ZDHHC17: variants seen among roughly 807,000 people sequenced by gnomAD.
ZDHHC17 encodes the protein zDHHC palmitoyltransferase 17, also known as palmitoyltransferase ZDHHC17.
In ZDHHC17, 40 loss-of-function variants were observed where a neutral mutation model predicts 90.3. That is an observed-to-expected ratio of 0.44 (90% CI 0.34 to 0.58). The LOEUF is 0.58. Ranked by LOEUF, ZDHHC17 falls within the 20% of genes least tolerant of loss-of-function variation. ZDHHC17 has a pLI of 0.01. For synonymous variants in ZDHHC17, 235 were observed against 252.4 expected, an observed-to-expected ratio of 0.93 and a Z score of 0.65; for missense variants, 614 against 780.8, an observed-to-expected ratio of 0.79 and a Z score of 2.55.
chr12:76,800,552 A>G (rs1432078329), intron 2 of ZDHHC17, among the ~76,000 whole-genome samples: 1 of 152,192 alleles, frequency 6.6e-6, no homozygotes, highest in Non-Finnish European at 1.5e-5. Flanking sequence ...CTTTTAATTT[A>G]TAATTGTTGT....
rs907950703 is a variant in ZDHHC17 at position 76,851,848 on chromosome 12, A to G, written c.*863A>G. ...TAAGGTGGTATTTTCAAGAAAAGGC[A>G]GAACAAATAATGCAAAATTCTCAGT... On this transcript the variant is annotated 3_prime_UTR_variant, in exon 17 of 17. Coordinates refer to ENST00000426126, the MANE Select transcript of ZDHHC17 (RefSeq NM_015336.4). The G allele has an allele frequency of 8.5e-5, 13 of 152,804 alleles. No individual in the cohort carries two copies. The highest frequency in any genetic ancestry group is 2.9e-4 in the African/African-American group (12 of 41,588). The allele number at this position is 152,804 out of a possible 1,614,324, so 9.5% of individuals were successfully genotyped here.
chr12:76,803,317 G>T (rs1952913811), intron 2 of ZDHHC17, among the ~76,000 whole-genome samples: 1 of 152,098 alleles, frequency 6.6e-6, no homozygotes, highest in Non-Finnish European at 1.5e-5. Flanking sequence ...AGATGATTTT[G>T]TTCAGAGTCT....
intron 1 of ZDHHC17, among the ~76,000 whole-genome samples, chr12:76,783,264 C>G (rs945388500): frequency 6.6e-6 from 1 of 152,076 alleles, no homozygotes; most frequent in African/African-American, 2.4e-5. Flanking sequence ...AAGAAATACC[C>G]GAGACTGGGT....
chr12:76,803,595 C>T (rs137863698), intron 2 of ZDHHC17, among the ~76,000 whole-genome samples: 125 of 152,264 alleles, frequency 8.2e-4, no homozygotes, highest in Middle Eastern at 3.4e-3. Context: ...CCAGTTGGAC[C>T]GGGACTTGTG....
In ZDHHC17 at chr12:76,853,261, G is replaced by C. The variant is rs1201809754; in HGVS notation, c.*2276G>C. On this transcript the variant is annotated 3_prime_UTR_variant, in exon 17 of 17. Coordinates refer to ENST00000426126, the MANE Select transcript of ZDHHC17 (RefSeq NM_015336.4). Reference sequence around the variant, plus strand: ...ATGGTCAGGAGCCAGCTATGCAGCAGTATACCATCTGTTTAATTATTTTGT... The same window carrying C: ...ATGGTCAGGAGCCAGCTATGCAGCACTATACCATCTGTTTAATTATTTTGT... 1 of 149,466 alleles carries C rather than the reference G, an allele frequency of 6.7e-6. No individual in the cohort carries two copies. The highest frequency in any genetic ancestry group is 1.5e-5 in the Non-Finnish European group (1 of 66,088). 9.3% of individuals were successfully genotyped at this position (149,466 alleles called of 1,614,324 possible).
At chr12:76,786,129 T>A (rs1952682864) in intron 1 of ZDHHC17, among the ~76,000 whole-genome samples, 3 of 151,810 alleles carry the variant, frequency 2.0e-5, no homozygotes, top group Admixed American at 2.0e-4. Context: ...TTTCTTTTTT[T>A]TTTTTTAAAG....
Position 76,790,154 on chromosome 12 carries a change from T to G in ZDHHC17, c.94-7280T>G, listed in dbSNP as rs537018929. 5.3e-5 allele frequency among the ~76,000 whole-genome samples: 8 copies of G among 152,182 alleles called. No individual in the cohort carries two copies. The South Asian group carries it at 1.7e-3, about 32-fold the overall frequency. ...TAGACCTCTTATAAAAAATGAAGCT[T>G]TTTTTTAAAGAGATAGGAAGAGGAG... On this transcript the variant is annotated intron_variant, in intron 1 of 16. Transcript: ENST00000426126.
At chr12:76,799,626 G>T (rs1198695733) in intron 2 of ZDHHC17, among the ~76,000 whole-genome samples, 1 of 152,170 alleles carries the variant, frequency 6.6e-6, no homozygotes, top group Non-Finnish European at 1.5e-5. Context: ...GAAGAGGTCT[G>T]TGATCACCAA....
chr12:76,842,219 A>C, intron 11 of ZDHHC17, 113 bp downstream of exon 11: 1 of 1,148,656 alleles, frequency 8.7e-7, no homozygotes, highest in African/African-American at 1.6e-5. Flanking sequence ...AGAAGTTTTA[A>C]GCTAAATTGA....
At chr12:76,829,353 A>C (rs946838399) in intron 10 of ZDHHC17, among the ~76,000 whole-genome samples, 1 of 144,612 alleles carries the variant, frequency 6.9e-6, no homozygotes, top group Admixed American at 7.3e-5. Flanking sequence ...GCTACTCGGG[A>C]GGCTGAGGCA....
chr12:76,787,211 G>C (rs1206485174), intron 1 of ZDHHC17, among the ~76,000 whole-genome samples: 2 of 152,210 alleles, frequency 1.3e-5, no homozygotes, highest in East Asian at 1.9e-4. Context: ...CTGTGGTAGA[G>C]AAGGGAGGTC....
chr12:76,827,649 T>TA lies in ZDHHC17; in HGVS notation c.1040+600dup, dbSNP rs1420901395. Among the ~76,000 whole-genome samples, 5 of 152,246 alleles carry TA rather than the reference T, an allele frequency of 3.3e-5. No individual in the cohort carries two copies. The East Asian group carries it at 9.6e-4, about 29-fold the overall frequency. On this transcript the variant is annotated intron_variant, in intron 9 of 16. Transcript: ENST00000426126. ...ATTTCCCATCTAATTTCCAGTCCTT[T>TA]AGTATCTTATTTTCACTTGCATTTC...
chr12:76,814,503 A>AT (rs1953060847), intron 5 of ZDHHC17, among the ~76,000 whole-genome samples: 1 of 151,966 alleles, frequency 6.6e-6, no homozygotes, highest in Non-Finnish European at 1.5e-5. Flanking sequence ...AAAAATTCAG[A>AT]TTTTTTGTAC....
chr12:76,848,495 AT>A, intron 15 of ZDHHC17, 105 bp downstream of exon 15: 1 of 1,198,078 alleles, frequency 8.3e-7, no homozygotes, highest in Non-Finnish European at 1.1e-6. Context: ...CTCTTCAAAT[AT>A]TCATTTTATT....
chr12:76,830,929 T>A (rs900628132), intron 10 of ZDHHC17, among the ~76,000 whole-genome samples: 4 of 152,102 alleles, frequency 2.6e-5, no homozygotes, highest in Non-Finnish European at 4.4e-5. Context: ...TAGTATAAAA[T>A]AGCTAAAACT....
At chr12:76,814,370 T>A (rs1204526877) in intron 5 of ZDHHC17, among the ~76,000 whole-genome samples, 3 of 151,352 alleles carry the variant, frequency 2.0e-5, no homozygotes, top group Non-Finnish European at 4.4e-5. Context: ...GAATAGTATT[T>A]ATGCATATTT....
At position 76,787,089 on chromosome 12, in the gene ZDHHC17, G is replaced by T. The variant is rs192954125; in HGVS notation, c.94-10345G>T. The stretch of plus-strand genomic sequence containing the variant: ...ATAAAACAACTTAAAATACTTGAAG[G>T]TACTTCTTCCTTGAAATTTTCCAGA... On this transcript the variant is annotated intron_variant, in intron 1 of 16. Coordinates refer to ENST00000426126, the MANE Select transcript of ZDHHC17 (RefSeq NM_015336.4). Among the ~76,000 whole-genome samples the T allele has an allele frequency of 4.6e-5, 7 of 152,252 alleles. No individual in the cohort carries two copies. The East Asian group carries it at 1.2e-3, about 25-fold the overall frequency.
Position 76,851,057 on chromosome 12 carries a change from C to T in ZDHHC17, c.*72C>T. Reference sequence around the variant, plus strand: ...TGTGTCTGTCCGTGTCTTTCTCACACTCGAATCCACATCCTTTGAACAAGA... The same window carrying T: ...TGTGTCTGTCCGTGTCTTTCTCACATTCGAATCCACATCCTTTGAACAAGA... On this transcript the variant is annotated 3_prime_UTR_variant, in exon 17 of 17. Coordinates refer to ENST00000426126, the MANE Select transcript of ZDHHC17 (RefSeq NM_015336.4). The T allele has an allele frequency of 4.4e-6, 7 of 1,580,516 alleles. 1 individual carries two copies. The South Asian group carries it at 7.9e-5, about 18-fold the overall frequency.
intron 10 of ZDHHC17, among the ~76,000 whole-genome samples, chr12:76,830,108 T>A (rs903670553): frequency 2.0e-5 from 3 of 152,226 alleles, no homozygotes; most frequent in Non-Finnish European, 4.4e-5. Context: ...AGTCAGCAAG[T>A]TAGACTGATT....
Sources: gnomAD v4.1 joint callset for allele counts (sites outside exome capture counted in the v4.1 genomes callset) on GRCh38, gnomAD v4.1.1 for gene constraint, MANE v1.5 for transcripts, NCBI Gene and HGNC (gene_info 2026-07-23, HGNC 2026-07-21) for gene names.